Variants in ZFHX3 observed in about 807,000 individuals in gnomAD.
The protein encoded by ZFHX3 is zinc finger homeobox 3, also known as zinc finger homeobox protein 3.
Under a neutral mutation model 279.1 loss-of-function variants are expected in ZFHX3, and 42 were observed. The ratio of observed to expected loss-of-function variants is 0.15; its 90% CI spans 0.12 to 0.19. ZFHX3 has a LOEUF of 0.19. Ranked by LOEUF, ZFHX3 falls within the 10% of genes least tolerant of loss-of-function variation. The pLI is 1.00. For missense variants in ZFHX3, 4,981 were observed against 4,754.0 expected (o/e 1.05, Z -1.40); for synonymous variants, 2,293 against 1,957.8 (o/e 1.17, Z -4.52).
chr16:73,847,873 G>T (rs1961488203), intron 1 of ZFHX3, among the ~76,000 whole-genome samples: 1 of 150,440 alleles, frequency 6.6e-6, no homozygotes, highest in Non-Finnish European at 1.5e-5. Context: ...GAGTAGCTGG[G>T]AGTACGGGCA....
chr16:73,663,250 A>C (rs1158837168), intron 2 of ZFHX3, among the ~76,000 whole-genome samples: 2 of 152,164 alleles, frequency 1.3e-5, no homozygotes, highest in Non-Finnish European at 2.9e-5. Context: ...CTTGCTTCCC[A>C]TCTTTTTGTC....
At chr16:73,269,833 C>T (rs2014091142) in intron 4 of ZFHX3, among the ~76,000 whole-genome samples, 1 of 152,100 alleles carries the variant, frequency 6.6e-6, no homozygotes, top group Admixed American at 6.5e-5. Context: ...ACTGCAACCT[C>T]TGCCCCCTGA....
intron 2 of ZFHX3, among the ~76,000 whole-genome samples, chr16:73,588,707 C>CAA (rs35010044): frequency 0.011 from 1,451 of 134,198 alleles, 40 homozygotes; most frequent in African/African-American, 0.039. Flanking sequence ...AAAAACAAAA[C>CAA]AAAAAAAAAA....
chr16:72,948,352 C>A (rs149982440), intron 3 of ZFHX3, among the ~76,000 whole-genome samples: 1 of 152,268 alleles, frequency 6.6e-6, no homozygotes, highest in African/African-American at 2.4e-5. Context: ...CCCTTCTACC[C>A]ACGCCATCTT....
intron 2 of ZFHX3, among the ~76,000 whole-genome samples, chr16:73,531,480 T>G (rs555272723): frequency 4.6e-4 from 70 of 152,050 alleles, no homozygotes; most frequent in Non-Finnish European, 5.4e-4. Context: ...TTTAGGAGGA[T>G]GAGGTGGGGG....
At chr16:73,304,851 T>C (rs1311252864) in intron 4 of ZFHX3, among the ~76,000 whole-genome samples, 1 of 152,018 alleles carries the variant, frequency 6.6e-6, no homozygotes, top group African/African-American at 2.4e-5. Context: ...TCTCTCAGGG[T>C]GCTTTGAGGT....
intron 3 of ZFHX3, among the ~76,000 whole-genome samples, chr16:72,929,258 G>C (rs941347555): frequency 6.7e-6 from 1 of 149,702 alleles, no homozygotes; most frequent in East Asian, 2.0e-4. Context: ...AAAAAAAAAA[G>C]AGTGAGGTAA....
intron 2 of ZFHX3, among the ~76,000 whole-genome samples, chr16:73,633,102 C>G (rs2052493013): frequency 1.3e-5 from 2 of 152,168 alleles, no homozygotes; most frequent in Non-Finnish European, 2.9e-5. Context: ...ATAAGAAAGA[C>G]TGACATCTTT....
chr16:73,220,892 G>A (rs933574971), intron 5 of ZFHX3, among the ~76,000 whole-genome samples: 4 of 152,080 alleles, frequency 2.6e-5, no homozygotes, highest in South Asian at 2.1e-4. Flanking sequence ...GGTGGAGCAC[G>A]GGCGATGGAT....
chr16:73,511,943 T>A (rs1166740360), intron 2 of ZFHX3, among the ~76,000 whole-genome samples: 1 of 152,112 alleles, frequency 6.6e-6, no homozygotes, highest in African/African-American at 2.4e-5. Flanking sequence ...ATACCCAACA[T>A]GAGCCAGGTT....
chr16:73,202,901 T>C (rs1490164939), intron 5 of ZFHX3, among the ~76,000 whole-genome samples: 1 of 107,886 alleles, frequency 9.3e-6, no homozygotes, highest in Non-Finnish European at 1.7e-5. Context: ...TCATCTTTCT[T>C]TCTTTCTTTT....
At chr16:73,703,034 A>C (rs892765839) in intron 1 of ZFHX3, among the ~76,000 whole-genome samples, 3 of 152,208 alleles carry the variant, frequency 2.0e-5, no homozygotes, top group African/African-American at 7.2e-5. Flanking sequence ...GCTGAGAGCA[A>C]ACAGAAAACA....
chr16:72,914,203 T>C (rs2039386891), intron 3 of ZFHX3, among the ~76,000 whole-genome samples: 1 of 152,230 alleles, frequency 6.6e-6, no homozygotes. Flanking sequence ...ACAGTGGCAC[T>C]GTGAGTGACA....
At chr16:73,414,465 G>A (rs74992037) in intron 3 of ZFHX3, among the ~76,000 whole-genome samples, 1,680 of 152,298 alleles carry the variant, frequency 0.011, 30 homozygotes, top group African/African-American at 0.038. Context: ...TTGGCCACTC[G>A]TTCTCCTACC....
chr16:72,883,980 A>G (rs778796891), intron 4 of ZFHX3, among the ~76,000 whole-genome samples: 3 of 152,180 alleles, frequency 2.0e-5, no homozygotes, highest in African/African-American at 7.2e-5. Flanking sequence ...TTTTAGTGCT[A>G]TCAGAAAAAT....
chr16:73,319,347 G>C (rs12920464), intron 3 of ZFHX3, among the ~76,000 whole-genome samples: 58,097 of 151,476 alleles, frequency 0.38, 13,027 homozygotes, highest in Non-Finnish European at 0.52. Flanking sequence ...CCCCACTCTC[G>C]CCACGTGGTT....
chr16:73,660,243 A>G (rs1354396874), intron 2 of ZFHX3, among the ~76,000 whole-genome samples: 2 of 152,236 alleles, frequency 1.3e-5, no homozygotes, highest in Non-Finnish European at 2.9e-5. Context: ...GATCACAGTC[A>G]AACGTGTGCC....
intron 7 of ZFHX3, among the ~76,000 whole-genome samples, chr16:73,103,207 G>A (rs929622823): frequency 6.6e-6 from 1 of 152,186 alleles, no homozygotes; most frequent in Non-Finnish European, 1.5e-5. Flanking sequence ...TTACAGGCAT[G>A]ATTTCCTGCG....
At chr16:72,980,677 C>T (rs1438765113) in intron 1 of ZFHX3, among the ~76,000 whole-genome samples, 1 of 151,812 alleles carries the variant, frequency 6.6e-6, no homozygotes, top group African/African-American at 2.4e-5. Context: ...TGCTTGAGAC[C>T]AGGGAGGTCA....
Sources: gnomAD v4.1 joint callset for allele counts (sites outside exome capture counted in the v4.1 genomes callset) on GRCh38, gnomAD v4.1.1 for gene constraint, MANE v1.5 for transcripts, NCBI Gene and HGNC (gene_info 2026-07-23, HGNC 2026-07-21) for gene names.